Variants in SHISA9 observed in about 807,000 individuals in gnomAD.
SHISA9 encodes the protein shisa family member 9.
SHISA9 carries 13 observed loss-of-function variants against 38.0 expected under a neutral mutation model. The observed-to-expected ratio is 0.34, with a 90% CI of 0.22 to 0.54. The LOEUF (loss-of-function observed/expected upper bound fraction) is 0.54, where lower values mean the gene tolerates loss of function less well. Among genes scored for constraint, SHISA9 ranks in the 20% least tolerant of loss-of-function variants. The pLI, the probability that SHISA9 is intolerant of heterozygous loss-of-function variation, is 0.91. For missense variants in SHISA9, 538 were observed against 575.8 expected (o/e 0.93, Z 0.67); for synonymous variants, 275 against 242.0 (o/e 1.14, Z -1.27).
At chr16:13,546,916 C>T in the SHISA9 span, among the ~76,000 whole-genome samples, 9 of 152,166 alleles carry the variant, frequency 5.9e-5, no homozygotes, top group Non-Finnish European at 1.2e-4. Context: ...CTGTGTCTGG[C>T]TCATCCATGC....
At chr16:13,339,102 T>C in the SHISA9 span, among the ~76,000 whole-genome samples, 1 of 151,522 alleles carries the variant, frequency 6.6e-6, no homozygotes, top group Non-Finnish European at 1.5e-5. Flanking sequence ...TCTAAATAAC[T>C]CATTTCCATG....
At chr16:13,041,091 G>T (rs1054003854) in intron 2 of SHISA9, among the ~76,000 whole-genome samples, 4 of 152,194 alleles carry the variant, frequency 2.6e-5, no homozygotes, top group African/African-American at 9.7e-5. Context: ...TAAGTACCAG[G>T]GGTGCAGCAC....
chr16:13,171,492 G>T (rs1024078377), intron 2 of SHISA9, among the ~76,000 whole-genome samples: 3 of 146,510 alleles, frequency 2.0e-5, no homozygotes, highest in African/African-American at 7.4e-5. Context: ...GGGGGCGGGG[G>T]TGGGGGCGGG....
the SHISA9 span, among the ~76,000 whole-genome samples, chr16:13,410,321 A>T: frequency 1.3e-5 from 2 of 152,230 alleles, no homozygotes; most frequent in Non-Finnish European, 2.9e-5. Flanking sequence ...TAGTTTTATT[A>T]TTATGCTTTA....
chr16:12,955,490 G>T (rs1207302828), intron 2 of SHISA9, among the ~76,000 whole-genome samples: 1 of 143,370 alleles, frequency 7.0e-6, no homozygotes, highest in Non-Finnish European at 1.5e-5. Context: ...TTCTCAAGGT[G>T]CCATGAGTTA....
chr16:12,909,013 G>T, intron 1 of SHISA9: 1 of 997,680 alleles, frequency 1.0e-6, no homozygotes, highest in South Asian at 4.4e-5. Flanking sequence ...TCCTCCTCTT[G>T]CCTTTTGCCT....
At chr16:13,079,916 C>G (rs1473221270) in intron 2 of SHISA9, among the ~76,000 whole-genome samples, 4 of 152,096 alleles carry the variant, frequency 2.6e-5, no homozygotes, top group Admixed American at 6.6e-5. Flanking sequence ...GGTGTTAACA[C>G]TACACATTAG....
intron 4 of SHISA9, among the ~76,000 whole-genome samples, chr16:13,223,366 G>A (rs1277869464): frequency 2.0e-5 from 3 of 152,182 alleles, no homozygotes; most frequent in East Asian, 3.8e-4. Flanking sequence ...GGAGGGTCAA[G>A]TCAGTAGTGA....
chr16:13,046,785 C>T (rs1431620230), intron 2 of SHISA9, among the ~76,000 whole-genome samples: 1 of 152,196 alleles, frequency 6.6e-6, no homozygotes, highest in Non-Finnish European at 1.5e-5. Flanking sequence ...TCATCTCATT[C>T]ACCTCCAAGT....
chr16:13,529,336 C>T, the SHISA9 span, among the ~76,000 whole-genome samples: 1 of 152,212 alleles, frequency 6.6e-6, no homozygotes, highest in African/African-American at 2.4e-5. Context: ...GATTAGCTGA[C>T]TTTATCTCAA....
In SHISA9 at chr16:13,235,089, A is replaced by G. The variant is rs1284016217; in HGVS notation, c.955A>G (p.Lys319Glu). 1.3e-6 allele frequency: 2 copies of G among 1,551,560 alleles called. No homozygotes were observed. Among genetic ancestry groups the G allele is most frequent in the Non-Finnish European group, 1.7e-6 (2 of 1,146,962 alleles). ...ACGGCACCTGGCTGAGCTGGCTGCC[A>G]AGGGGAACTTACCTCTGCACCCCGT... ...KRRHLAELAA[K>E]GNLPLHPVRV... is the part of the protein sequence containing the mutation. Residue 319 changes from lysine (K) to glutamate (E), a missense_variant, in exon 5 of 5, where the codon AAG becomes GAG. By Grantham distance (56) the Lys-to-Glu change is moderately conservative (BLOSUM62 1). Coordinates refer to ENST00000558583, the MANE Select transcript of SHISA9 (RefSeq NM_001145204.3).
chr16:13,044,734 G>A (rs935748404), intron 2 of SHISA9, among the ~76,000 whole-genome samples: 4 of 152,108 alleles, frequency 2.6e-5, no homozygotes, highest in African/African-American at 7.2e-5. Flanking sequence ...GGGATTAAAC[G>A]GACGGCTGCA....
At chr16:13,399,752 G>A in the SHISA9 span, among the ~76,000 whole-genome samples, 4 of 152,300 alleles carry the variant, frequency 2.6e-5, no homozygotes, top group African/African-American at 7.2e-5. Flanking sequence ...GACTTGCCTG[G>A]GGATCTGGTT....
intron 2 of SHISA9, among the ~76,000 whole-genome samples, chr16:13,080,127 A>T (rs546477340): frequency 4.6e-5 from 7 of 152,084 alleles, no homozygotes; most frequent in Middle Eastern, 3.2e-3. Flanking sequence ...TAATCCCAGC[A>T]CTTTGGGAGG....
chr16:13,295,536 G>T, the SHISA9 span, among the ~76,000 whole-genome samples: 1 of 152,172 alleles, frequency 6.6e-6, no homozygotes, highest in Admixed American at 6.5e-5. Context: ...TCCTTCAGAG[G>T]GCATTGAAAA....
At chr16:13,020,950 C>T (rs754417773) in intron 2 of SHISA9, among the ~76,000 whole-genome samples, 4 of 152,188 alleles carry the variant, frequency 2.6e-5, no homozygotes, top group Admixed American at 1.3e-4. Flanking sequence ...TCCCCAGTCC[C>T]GGGATTCTCT....
At chr16:12,903,516 T>A (rs533429538) in intron 1 of SHISA9, among the ~76,000 whole-genome samples, 53 of 41,874 alleles carry the variant, frequency 1.3e-3, no homozygotes, top group African/African-American at 3.4e-3. Context: ...TTGCTTTTTT[T>A]AAATTTTTTT....
At chr16:13,008,660 TC>T (rs1567179916) in intron 2 of SHISA9, among the ~76,000 whole-genome samples, 16 of 23,154 alleles carry the variant, frequency 6.9e-4, no homozygotes, top group Non-Finnish European at 9.2e-4. Context: ...CCTCCCTCCC[TC>T]CCTTCCTCCC....
the SHISA9 span, among the ~76,000 whole-genome samples, chr16:13,446,600 A>G: frequency 6.6e-6 from 1 of 152,152 alleles, no homozygotes; most frequent in Non-Finnish European, 1.5e-5. Context: ...GAGTTAAGCA[A>G]GAGAGCATAT....
Sources: allele counts gnomAD v4.1 joint callset (sites outside exome capture counted in the v4.1 genomes callset), GRCh38; gene constraint gnomAD v4.1.1; transcripts MANE v1.5; gene names NCBI Gene and HGNC (gene_info 2026-07-23, HGNC 2026-07-21).